The following FRY variants were observed in gnomAD, a reference collection of about 807,000 sequenced individuals.
FRY encodes FRY microtubule binding protein.
A neutral mutation model predicts 348.4 loss-of-function variants in FRY; 128 were observed. The observed-to-expected ratio is 0.37, with a 90% CI of 0.32 to 0.43. FRY has a LOEUF of 0.43. Ranked by LOEUF, FRY falls within the 20% of genes least tolerant of loss-of-function variation. FRY has a pLI of 1.00. For synonymous variants in FRY, 1,370 were observed against 1,374.7 expected, an observed-to-expected ratio of 1.00 and a Z score of 0.08; for missense variants, 2,736 against 3,695.2, an observed-to-expected ratio of 0.74 and a Z score of 6.73.
intron 58 of FRY, among the ~76,000 whole-genome samples, chr13:32,281,306 A>G (rs1409533522): frequency 6.6e-6 from 1 of 152,198 alleles, no homozygotes; most frequent in African/African-American, 2.4e-5. Context: ...AGAAAACTGA[A>G]GCTGAGAGGC....
At chr13:32,281,359 C>G (rs186431677) in intron 58 of FRY, among the ~76,000 whole-genome samples, 3 of 152,210 alleles carry the variant, frequency 2.0e-5, no homozygotes, top group Admixed American at 6.5e-5. Context: ...CACACTTTCT[C>G]TAGCTTAATT....
chr13:32,227,821 A>C (rs960253956), intron 39 of FRY, among the ~76,000 whole-genome samples: 1 of 144,896 alleles, frequency 6.9e-6, no homozygotes, highest in East Asian at 2.0e-4. Context: ...GCGCGATCTC[A>C]GCTCACTGCA....
rs149552831 is a variant in FRY, at chr13:32,097,802, A to G, written c.271-4161A>G. Among the ~76,000 whole-genome samples the G allele has an allele frequency of 2.9e-3, 448 of 152,136 alleles. 1 individual carries two copies. The highest frequency in any genetic ancestry group is 5.2e-3 in the Admixed American group (80 of 15,288). ...TGTGTTGGTTAAGAAGTTTTTGAAC[A>G]TTTCTGGAACTAAAAGGAATCTTCA... On this transcript the variant is annotated intron_variant, in intron 2 of 60. Coordinates refer to ENST00000542859, the MANE Select transcript of FRY (RefSeq NM_023037.3).
chr13:32,247,984 G>A (rs566323094), intron 48 of FRY, among the ~76,000 whole-genome samples: 33 of 152,276 alleles, frequency 2.2e-4, no homozygotes, highest in Admixed American at 7.8e-4. Context: ...GGGAGAGAGA[G>A]GGAGGAGCAA....
chr13:32,128,327 A>G (rs114957041), intron 7 of FRY, among the ~76,000 whole-genome samples: 1,538 of 152,278 alleles, frequency 0.01, 33 homozygotes, highest in African/African-American at 0.035. Context: ...CTATTCACCA[A>G]ATAGTCAGTG....
At chr13:32,231,534 C>T (rs1885916015) in intron 41 of FRY, among the ~76,000 whole-genome samples, 1 of 152,210 alleles carries the variant, frequency 6.6e-6, no homozygotes, top group South Asian at 2.1e-4. Context: ...ACTTGTTCTA[C>T]TTCTTTCATT....
At chr13:32,290,592 C>A (rs187376409) in intron 59 of FRY, among the ~76,000 whole-genome samples, 5 of 152,068 alleles carry the variant, frequency 3.3e-5, no homozygotes, top group African/African-American at 1.2e-4. Flanking sequence ...GGGGTAAAGG[C>A]GAGATCATAA....
chr13:32,145,269 G>A (rs897742917), intron 11 of FRY, among the ~76,000 whole-genome samples: 2 of 152,106 alleles, frequency 1.3e-5, no homozygotes, highest in African/African-American at 2.4e-5. Flanking sequence ...GATTATAATC[G>A]GTGTAAGATA....
chr13:32,191,519 A>T (rs1480677562), intron 28 of FRY, among the ~76,000 whole-genome samples: 2 of 152,222 alleles, frequency 1.3e-5, no homozygotes, highest in Admixed American at 1.3e-4. Flanking sequence ...CAGTAAACAT[A>T]AGAAAACATT....
intron 1 of FRY, among the ~76,000 whole-genome samples, chr13:32,060,522 G>C (rs1873880036): frequency 6.6e-6 from 1 of 152,168 alleles, no homozygotes; most frequent in African/African-American, 2.4e-5. Flanking sequence ...TGTTGGTTTT[G>C]TCTGTAAGCA....
intron 55 of FRY, among the ~76,000 whole-genome samples, chr13:32,268,736 A>G (rs1000798593): frequency 2.8e-4 from 43 of 151,740 alleles, no homozygotes; most frequent in African/African-American, 1.0e-3. Flanking sequence ...GTGCAGTAGC[A>G]TGATCTCAGC....
Position 32,117,382 on chromosome 13 carries a change from C to T in FRY, c.373C>T (p.Leu125=). The T allele has an allele frequency of 6.2e-7, 1 of 1,613,728 alleles. No individual in the cohort carries two copies. Among genetic ancestry groups the T allele is most frequent in the Non-Finnish European group, 8.5e-7 (1 of 1,179,662 alleles). The change falls in exon 4 of 61, where the codon CTA becomes TTA. Residue 125 remains leucine (L), a synonymous_variant. Transcript: ENST00000542859. ...TTCTGAGTACTGCCTGCCTTCCATT[C>T]TACGTACATTATTTGACTGGTATAA... is the stretch of plus-strand genomic sequence containing the variant. The part of the protein sequence containing the change: ...SLSEYCLPSI[L]RTLFDWYKRQ...
intron 58 of FRY, among the ~76,000 whole-genome samples, chr13:32,279,693 A>G (rs1159698284): frequency 1.3e-5 from 2 of 152,224 alleles, no homozygotes; most frequent in East Asian, 3.8e-4. Context: ...CCTCTGGAGG[A>G]TCTGAAAACA....
chr13:32,177,614 A>AATAC (rs979157595), intron 20 of FRY, among the ~76,000 whole-genome samples: 7 of 151,952 alleles, frequency 4.6e-5, no homozygotes, highest in African/African-American at 1.7e-4. Context: ...TAAATAAATA[A>AATAC]ATAAATAAGA....
At position 32,179,761 on chromosome 13, in the gene FRY, A is replaced by C; in HGVS notation, c.2958A>C (p.Leu986Phe). ...AGAGCATTGAGATCACAGAGTCCTT[A>C]GTTTTAGGATTTGGAAGAACAAATT... The part of the protein sequence containing the change: ...RLESIEITES[L>F]VLGFGRTNSL... Residue 986 changes from leucine to phenylalanine, a missense_variant, in exon 23 of 61, where the codon TTA (leucine) becomes TTC (phenylalanine). Leu to Phe is a conservative substitution (Grantham distance 22). Coordinates refer to ENST00000542859, the MANE Select transcript of FRY (RefSeq NM_023037.3). 1 of 1,613,688 alleles carries C rather than the reference A, an allele frequency of 6.2e-7. No individual in the cohort carries two copies. The highest frequency in any genetic ancestry group is 8.5e-7 in the Non-Finnish European group (1 of 1,179,590).
At chr13:32,255,934 G>GAAGC (rs1265735906) in intron 51 of FRY, among the ~76,000 whole-genome samples, 2 of 152,196 alleles carry the variant, frequency 1.3e-5, no homozygotes, top group East Asian at 3.9e-4. Flanking sequence ...AAAAACGGAT[G>GAAGC]AAGCAAGAGA....
chr13:32,100,820 A>G (rs76009114), intron 2 of FRY, among the ~76,000 whole-genome samples: 4,747 of 152,234 alleles, frequency 0.031, 259 homozygotes, highest in African/African-American at 0.11. Flanking sequence ...TTCTTTATAG[A>G]TGGTGCCTTC....
chr13:32,197,989 A>G (rs965906592), intron 29 of FRY, among the ~76,000 whole-genome samples: 2 of 152,242 alleles, frequency 1.3e-5, no homozygotes, highest in Admixed American at 1.3e-4. Context: ...ATTGAAAGGT[A>G]TAAGATTCCA....
intron 58 of FRY, among the ~76,000 whole-genome samples, chr13:32,279,354 G>A (rs780610922): frequency 2.0e-5 from 3 of 152,218 alleles, no homozygotes; most frequent in Non-Finnish European, 4.4e-5. Flanking sequence ...CCCGGAGGCA[G>A]GGGAACCAGG....
Sources: gnomAD v4.1 joint callset for allele counts (sites outside exome capture counted in the v4.1 genomes callset) on GRCh38, gnomAD v4.1.1 for gene constraint, MANE v1.5 for transcripts, NCBI Gene and HGNC (gene_info 2026-07-23, HGNC 2026-07-21) for gene names.